The following DROSHA variants were observed in gnomAD, a reference collection of about 807,000 sequenced individuals.
DROSHA encodes the protein drosha ribonuclease III.
Under a neutral mutation model 181.9 loss-of-function variants are expected in DROSHA, and 56 were observed. That is an observed-to-expected ratio of 0.31 (90% CI 0.25 to 0.38). The LOEUF is 0.38. Among genes scored for constraint, DROSHA ranks in the 10% least tolerant of loss-of-function variants. DROSHA has a pLI of 1.00. For synonymous variants in DROSHA, 524 were observed against 591.2 expected, an observed-to-expected ratio of 0.89 and a Z score of 1.65; for missense variants, 1,218 against 1,743.5, an observed-to-expected ratio of 0.70 and a Z score of 5.37.
chr5:31,506,311 T>C (rs1312332293), intron 10 of DROSHA, among the ~76,000 whole-genome samples: 1 of 146,338 alleles, frequency 6.8e-6, no homozygotes, highest in Non-Finnish European at 1.5e-5. Context: ...TGCAGCGAGC[T>C]GAGATTGTAC....
At chr5:31,447,457 G>A (rs1746449865) in intron 23 of DROSHA, among the ~76,000 whole-genome samples, 1 of 152,116 alleles carries the variant, frequency 6.6e-6, no homozygotes, top group Non-Finnish European at 1.5e-5. Context: ...TGACTTATTT[G>A]CAGAAATTGA....
intron 5 of DROSHA, among the ~76,000 whole-genome samples, chr5:31,524,091 A>C (rs1740248694): frequency 6.6e-6 from 1 of 152,108 alleles, no homozygotes; most frequent in South Asian, 2.1e-4. Context: ...AAAGATTTTT[A>C]AAGTCTACCA....
At chr5:31,496,554 C>T (rs2150045428) in intron 11 of DROSHA, among the ~76,000 whole-genome samples, 1 of 152,350 alleles carries the variant, frequency 6.6e-6, no homozygotes, top group Admixed American at 6.5e-5. Context: ...CTTAAATGTT[C>T]CTTCCTGAAC....
intron 27 of DROSHA, 95 bp from the exon 28 acceptor site, chr5:31,424,566 T>C: frequency 1.4e-6 from 2 of 1,418,628 alleles, no homozygotes; most frequent in South Asian, 1.3e-5. Context: ...TACGGAACTA[T>C]TTCAGACACT....
At chr5:31,524,518 G>T (rs888279714) in intron 5 of DROSHA, among the ~76,000 whole-genome samples, 1 of 152,182 alleles carries the variant, frequency 6.6e-6, no homozygotes, top group Non-Finnish European at 1.5e-5. Context: ...GACAACAGAA[G>T]ATCTCAAATC....
rs1391256687 is a variant in DROSHA at position 31,498,717 on chromosome 5, C to T, written c.1669-3345G>A. Among the ~76,000 whole-genome samples the T allele has an allele frequency of 2.0e-5, 3 of 152,144 alleles. No individual in the cohort carries two copies. The East Asian group carries it at 5.8e-4, about 29-fold the overall frequency. On this transcript the variant is annotated intron_variant, in intron 11 of 35. Transcript: ENST00000344624. ...TACTAAAAATACAAAATTAGCCAGG[C>T]GTGGTGATGCACGCCTGCAATCCCA...
At chr5:31,460,804 T>C (rs767141838) in intron 20 of DROSHA, among the ~76,000 whole-genome samples, 3 of 152,196 alleles carry the variant, frequency 2.0e-5, no homozygotes, top group African/African-American at 4.8e-5. Context: ...AACTGCATTA[T>C]GATATGCCAC....
intron 13 of DROSHA, among the ~76,000 whole-genome samples, chr5:31,490,144 G>C (rs1752236041): frequency 6.6e-6 from 1 of 151,530 alleles, no homozygotes; most frequent in Non-Finnish European, 1.5e-5. Context: ...CCAAAGTGCT[G>C]GGATTACAGG....
At chr5:31,448,939 C>T (rs1216220045) in intron 22 of DROSHA, among the ~76,000 whole-genome samples, 5 of 152,106 alleles carry the variant, frequency 3.3e-5, no homozygotes, top group African/African-American at 1.2e-4. Context: ...TCAAGACCAG[C>T]CTGGCCAACA....
rs567816956 is a variant in DROSHA at position 31,514,759 on chromosome 5, G to T, written c.1290+229C>A. ...CTGTAACAGTGATTCTCAACTGGGG[G>T]TGATCTTTTCCCCCCAGGGGACATT... On this transcript the variant is annotated intron_variant, in intron 8 of 35. Coordinates refer to ENST00000344624, the MANE Select transcript of DROSHA (RefSeq NM_001382508.1). The surrounding 1 kb of genome is among the most constrained non-coding windows in gnomAD (Gnocchi z 4.4). Among the ~76,000 whole-genome samples the T allele has an allele frequency of 1.3e-5, 2 of 152,168 alleles. No homozygotes were observed. The highest frequency in any genetic ancestry group is 2.9e-5 in the Non-Finnish European group (2 of 68,026).
chr5:31,524,058 C>T (rs1422775408), intron 5 of DROSHA, among the ~76,000 whole-genome samples: 1 of 151,226 alleles, frequency 6.6e-6, no homozygotes, highest in Non-Finnish European at 1.5e-5. Flanking sequence ...AGAATATTGA[C>T]CAGAAACAGT....
intron 6 of DROSHA, among the ~76,000 whole-genome samples, chr5:31,519,507 C>G (rs191052114): frequency 1.2e-3 from 178 of 152,210 alleles, no homozygotes; most frequent in Admixed American, 2.4e-3. Context: ...CAGTACAATA[C>G]CCGGGACACA....
At chr5:31,469,747 T>C (rs1329332261) in intron 17 of DROSHA, among the ~76,000 whole-genome samples, 1 of 152,166 alleles carries the variant, frequency 6.6e-6, no homozygotes, top group Non-Finnish European at 1.5e-5. Context: ...GAGCAGGAAA[T>C]GAAATATATT....
rs187339329 is a variant in DROSHA at position 31,488,113 on chromosome 5, G to A, written c.1843-1551C>T. Among the ~76,000 whole-genome samples the A allele has an allele frequency of 2.9e-3, 438 of 152,168 alleles. 10 individuals are homozygous for A. The highest frequency in any genetic ancestry group is 0.025 in the Admixed American group (379 of 15,260). ...GAACCAAAGAGGAGGTAACATATGA[G>A]TTGTCTTCAAAGATGAGGAGGGGCC... On this transcript the variant is annotated intron_variant, in intron 13 of 35. Coordinates refer to ENST00000344624, the MANE Select transcript of DROSHA (RefSeq NM_001382508.1).
At chr5:31,459,320 G>A (rs1222299998) in intron 20 of DROSHA, among the ~76,000 whole-genome samples, 3 of 150,928 alleles carry the variant, frequency 2.0e-5, no homozygotes, top group South Asian at 2.1e-4. Flanking sequence ...TTAAGCCCAG[G>A]AGTCCAATGC....
At chr5:31,495,043 G>A (rs1012206256) in intron 12 of DROSHA, among the ~76,000 whole-genome samples, 45 of 152,074 alleles carry the variant, frequency 3.0e-4, no homozygotes, top group Admixed American at 1.4e-3. Context: ...CTCCAACATT[G>A]TTGGCTATTA....
At chr5:31,459,005 C>T (rs1748031441) in intron 20 of DROSHA, among the ~76,000 whole-genome samples, 1 of 152,158 alleles carries the variant, frequency 6.6e-6, no homozygotes, top group Non-Finnish European at 1.5e-5. Context: ...TGAGAACCTA[C>T]AGATTAAAGA....
intron 20 of DROSHA, among the ~76,000 whole-genome samples, chr5:31,461,237 A>C (rs1269563931): frequency 6.6e-6 from 1 of 152,224 alleles, no homozygotes; most frequent in East Asian, 1.9e-4. Flanking sequence ...AGGAATTTCA[A>C]GGTTAAAAAA....
intron 29 of DROSHA, among the ~76,000 whole-genome samples, 178 bp downstream of exon 29, chr5:31,422,609 A>T (rs1742901738): frequency 6.6e-6 from 1 of 152,218 alleles, no homozygotes; most frequent in Admixed American, 6.5e-5. Flanking sequence ...AACCAACAAC[A>T]TTGGATTGGA....
Sources: allele counts gnomAD v4.1 joint callset (sites outside exome capture counted in the v4.1 genomes callset), GRCh38; gene constraint gnomAD v4.1.1; non-coding constraint Gnocchi (gnomAD v3.1); transcripts MANE v1.5; gene names NCBI Gene and HGNC (gene_info 2026-07-23, HGNC 2026-07-21).